TMEM117: variants seen among roughly 807,000 people sequenced by gnomAD.
TMEM117 encodes the protein transmembrane protein 117.
Under a neutral mutation model 52.4 loss-of-function variants are expected in TMEM117, and 27 were observed. The ratio of observed to expected loss-of-function variants is 0.51; its 90% CI spans 0.38 to 0.71. The LOEUF (loss-of-function observed/expected upper bound fraction) is 0.71, where lower values mean the gene tolerates loss of function less well. Among genes scored for constraint, TMEM117 ranks in the 30% least tolerant of loss-of-function variants. The pLI is 0.00. For missense variants in TMEM117, 556 were observed against 630.5 expected, an observed-to-expected ratio of 0.88 and a Z score of 1.26; for synonymous variants, 215 against 206.3, an observed-to-expected ratio of 1.04 and a Z score of -0.36.
At chr12:44,377,990 A>G (rs1040507622) in intron 7 of TMEM117, among the ~76,000 whole-genome samples, 1 of 152,186 alleles carries the variant, frequency 6.6e-6, no homozygotes, top group African/African-American at 2.4e-5. Context: ...TAAATCAATC[A>G]ATTTGAGTTC....
At chr12:44,243,594 C>T (rs972021546) in intron 5 of TMEM117, among the ~76,000 whole-genome samples, 15 of 151,650 alleles carry the variant, frequency 9.9e-5, no homozygotes, top group African/African-American at 3.4e-4. Context: ...GGCAAATTAA[C>T]ATATCTATTA....
chr12:43,916,199 T>G (rs1217659782), intron 2 of TMEM117, among the ~76,000 whole-genome samples: 2 of 152,190 alleles, frequency 1.3e-5, no homozygotes, highest in African/African-American at 4.8e-5. Context: ...TCCACCTCTT[T>G]GTTCTTCATT....
At chr12:44,076,578 T>C (rs1448919097) in intron 3 of TMEM117, among the ~76,000 whole-genome samples, 1 of 152,240 alleles carries the variant, frequency 6.6e-6, no homozygotes, top group Non-Finnish European at 1.5e-5. Context: ...TGAGATATTC[T>C]GTTCATGATT....
intron 3 of TMEM117, among the ~76,000 whole-genome samples, chr12:44,028,590 G>T (rs1565798578): frequency 6.6e-6 from 1 of 152,202 alleles, no homozygotes; most frequent in Non-Finnish European, 1.5e-5. Context: ...ACTCTCACCA[G>T]TGCCATGACA....
At chr12:43,857,745 T>C (rs537161346) in intron 2 of TMEM117, among the ~76,000 whole-genome samples, 147 of 152,354 alleles carry the variant, frequency 9.6e-4, no homozygotes, top group African/African-American at 3.3e-3. Flanking sequence ...TATTTCCTTT[T>C]ATCTTTTATT....
intron 5 of TMEM117, among the ~76,000 whole-genome samples, chr12:44,260,787 A>C (rs1001981950): frequency 3.9e-5 from 6 of 152,192 alleles, no homozygotes; most frequent in Non-Finnish European, 5.9e-5. Context: ...TCACAGTGGA[A>C]AACCATGTGC....
At chr12:43,850,629 T>A (rs79783862) in intron 2 of TMEM117, among the ~76,000 whole-genome samples, 3,395 of 152,298 alleles carry the variant, frequency 0.022, 78 homozygotes, top group East Asian at 0.066. Context: ...CTCCCTCCCG[T>A]AAGACTTCAG....
At chr12:44,225,468 A>G (rs59957474) in intron 5 of TMEM117, among the ~76,000 whole-genome samples, 16,153 of 152,204 alleles carry the variant, frequency 0.11, 950 homozygotes, top group Middle Eastern at 0.2. Flanking sequence ...GCAATTTAGT[A>G]TGTTTTTTTC....
chr12:44,257,724 A>G (rs1463011868), intron 5 of TMEM117, among the ~76,000 whole-genome samples: 1 of 152,138 alleles, frequency 6.6e-6, no homozygotes, highest in Non-Finnish European at 1.5e-5. Context: ...CACCCTGAAT[A>G]AAACACATTA....
intron 5 of TMEM117, among the ~76,000 whole-genome samples, chr12:44,245,861 C>G (rs1011466584): frequency 2.0e-5 from 3 of 152,012 alleles, no homozygotes; most frequent in Admixed American, 6.6e-5. Context: ...AATTAGCCTA[C>G]AGTTATTGGT....
At chr12:43,986,690 C>A in intron 3 of TMEM117, among the ~76,000 whole-genome samples, 1 of 152,118 alleles carries the variant, frequency 6.6e-6, no homozygotes, top group East Asian at 1.9e-4. Context: ...TCTGTAACAT[C>A]CTTTCTGGAA....
chr12:44,122,414 A>G (rs1948252405), intron 3 of TMEM117, among the ~76,000 whole-genome samples: 2 of 151,940 alleles, frequency 1.3e-5, no homozygotes, highest in Non-Finnish European at 2.9e-5. Flanking sequence ...TTTTATTGCA[A>G]CTTTTAAGTT....
chr12:44,324,880 C>T (rs1358855330), intron 6 of TMEM117, among the ~76,000 whole-genome samples: 1 of 151,958 alleles, frequency 6.6e-6, no homozygotes, highest in African/African-American at 2.4e-5. Context: ...ATTTATGGTG[C>T]AGCAATGAAC....
At chr12:44,390,225 C>A (rs1291235011), downstream of TMEM117, among the ~76,000 whole-genome samples, 4 of 151,796 alleles carry the variant, frequency 2.6e-5, no homozygotes, top group Non-Finnish European at 1.5e-5. Flanking sequence ...CACACACACA[C>A]ACACACAAAT....
chr12:43,883,905 G>T (rs191338626), intron 2 of TMEM117, among the ~76,000 whole-genome samples: 1 of 152,216 alleles, frequency 6.6e-6, no homozygotes, highest in Admixed American at 6.5e-5. Context: ...GGGAGGCTGA[G>T]GTCAGAGGAT....
the TMEM117 span, chr12:43,806,056 GC>G: frequency 6.6e-7 from 1 of 1,518,512 alleles, no homozygotes; most frequent in South Asian, 1.2e-5. Context: ...GGCCGGCAGC[GC>G]CCGGGAAGCA....
chr12:43,890,307 A>G (rs1448222556), intron 2 of TMEM117, among the ~76,000 whole-genome samples: 1 of 152,154 alleles, frequency 6.6e-6, no homozygotes, highest in Non-Finnish European at 1.5e-5. Context: ...TTAGGTTGAC[A>G]TCGTACTTTG....
chr12:44,072,027 C>G (rs1359728732), intron 3 of TMEM117, among the ~76,000 whole-genome samples: 2 of 152,152 alleles, frequency 1.3e-5, no homozygotes, highest in African/African-American at 4.8e-5. Flanking sequence ...CAGAATGGCA[C>G]TAGGCATTCA....
At chr12:44,031,966 C>T (rs1176453587) in intron 3 of TMEM117, among the ~76,000 whole-genome samples, 1 of 152,192 alleles carries the variant, frequency 6.6e-6, no homozygotes, top group African/African-American at 2.4e-5. Context: ...CTTGTCTCCA[C>T]AGTTCCTGTA....
Sources: gnomAD v4.1 joint callset for allele counts (sites outside exome capture counted in the v4.1 genomes callset) on GRCh38, gnomAD v4.1.1 for gene constraint, MANE v1.5 for transcripts, NCBI Gene and HGNC (gene_info 2026-07-23, HGNC 2026-07-21) for gene names.